CDH12: variants seen among roughly 807,000 people sequenced by gnomAD.
The protein encoded by CDH12 is cadherin-12.
CDH12 carries 41 observed loss-of-function variants against 74.1 expected under a neutral mutation model. The observed-to-expected ratio is 0.55, with a 90% CI of 0.43 to 0.72. The LOEUF (loss-of-function observed/expected upper bound fraction) is 0.72, where lower values mean the gene tolerates loss of function less well. Ranked by LOEUF, CDH12 falls within the 30% of genes least tolerant of loss-of-function variation. CDH12 has a pLI of 0.00. For missense variants in CDH12, 945 were observed against 977.2 expected, an observed-to-expected ratio of 0.97 and a Z score of 0.44; for synonymous variants, 399 against 355.0, an observed-to-expected ratio of 1.12 and a Z score of -1.39.
intron 1 of CDH12, among the ~76,000 whole-genome samples, chr5:22,522,464 A>C (rs12520888): frequency 0.17 from 26,202 of 152,100 alleles, 2,805 homozygotes; most frequent in East Asian, 0.37. Flanking sequence ...TTATTTGCAG[A>C]CACTGAAAAT....
chr5:22,458,878 C>CA, intron 2 of CDH12, among the ~76,000 whole-genome samples: 1 of 152,114 alleles, frequency 6.6e-6, no homozygotes, highest in South Asian at 2.1e-4. Flanking sequence ...TGGCAGAAAA[C>CA]AATACTGGTT....
intron 4 of CDH12, among the ~76,000 whole-genome samples, chr5:22,096,354 C>T (rs760844971): frequency 6.6e-6 from 1 of 151,912 alleles, no homozygotes; most frequent in Non-Finnish European, 1.5e-5. Context: ...TACATTGGTC[C>T]CTCCCTAGTC....
At chr5:21,853,948 A>C (rs1299182986) in intron 7 of CDH12, among the ~76,000 whole-genome samples, 1 of 151,620 alleles carries the variant, frequency 6.6e-6, no homozygotes, top group Admixed American at 6.6e-5. Flanking sequence ...TGGAAGGCCT[A>C]CTCTGATCAT....
At chr5:22,186,283 T>A (rs556299161) in intron 4 of CDH12, among the ~76,000 whole-genome samples, 1 of 152,268 alleles carries the variant, frequency 6.6e-6, no homozygotes, top group African/African-American at 2.4e-5. Flanking sequence ...TCAAAAGAAA[T>A]GTAATAATAC....
chr5:21,767,820 GCAA>G (rs1382454019), intron 11 of CDH12, among the ~76,000 whole-genome samples: 1 of 151,522 alleles, frequency 6.6e-6, no homozygotes, highest in African/African-American at 2.4e-5. Context: ...CATTTAAGAA[GCAA>G]CAACATCTCA....
intron 6 of CDH12, among the ~76,000 whole-genome samples, chr5:21,930,887 G>A (rs774583392): frequency 3.7e-4 from 56 of 152,100 alleles, no homozygotes; most frequent in Non-Finnish European, 7.6e-4. Flanking sequence ...CCTCAAATGA[G>A]CTGTATTTAG....
At chr5:22,565,138 G>A (rs1046685787) in intron 1 of CDH12, among the ~76,000 whole-genome samples, 4 of 152,026 alleles carry the variant, frequency 2.6e-5, no homozygotes, top group African/African-American at 4.8e-5. Context: ...GTTTCACCAC[G>A]TTGGCCAAGA....
chr5:22,188,993 T>A (rs1038466243), intron 4 of CDH12, among the ~76,000 whole-genome samples: 1 of 152,288 alleles, frequency 6.6e-6, no homozygotes, highest in Admixed American at 6.5e-5. Flanking sequence ...AGCATGGAGA[T>A]GCAATGCTGA....
At chr5:22,659,658 T>C (rs1740243229) in intron 1 of CDH12, among the ~76,000 whole-genome samples, 1 of 152,084 alleles carries the variant, frequency 6.6e-6, no homozygotes, top group East Asian at 1.9e-4. Context: ...GTGCAATTTG[T>C]TTTATCATAG....
chr5:22,277,601 A>C (rs2150404347), intron 3 of CDH12, among the ~76,000 whole-genome samples: 1 of 152,258 alleles, frequency 6.6e-6, no homozygotes, highest in East Asian at 1.9e-4. Context: ...GGGAGGCCAA[A>C]GAAGGGGGAT....
intron 1 of CDH12, among the ~76,000 whole-genome samples, chr5:22,645,246 T>A (rs1327295706): frequency 1.3e-5 from 2 of 152,088 alleles, no homozygotes; most frequent in Non-Finnish European, 2.9e-5. Flanking sequence ...ATATTCATGA[T>A]CCATGAAAAG....
chr5:22,467,496 A>G (rs1745784985), intron 2 of CDH12, among the ~76,000 whole-genome samples: 1 of 151,980 alleles, frequency 6.6e-6, no homozygotes, highest in South Asian at 2.1e-4. Flanking sequence ...ATTTTCAGTC[A>G]CCTCTACCTG....
chr5:21,969,491 C>G (rs1387926262), intron 6 of CDH12, among the ~76,000 whole-genome samples: 2 of 151,976 alleles, frequency 1.3e-5, no homozygotes, highest in Non-Finnish European at 2.9e-5. Flanking sequence ...CTGTCTAGCT[C>G]TCTTTTGGGT....
At chr5:21,912,752 T>C (rs1039134163) in intron 6 of CDH12, among the ~76,000 whole-genome samples, 1 of 152,142 alleles carries the variant, frequency 6.6e-6, no homozygotes, top group Non-Finnish European at 1.5e-5. Context: ...GTAATTTCTT[T>C]ATTGTCAGTT....
chr5:22,094,420 TC>T lies in CDH12; in HGVS notation c.-186-15559del, dbSNP rs376914781. ...TATGAGTAGTTTTATTCACCAGAAT[TC>T]CAGAGGGACTAAATCTAGGATGAAA... On this transcript the variant is annotated intron_variant, in intron 4 of 14. Coordinates refer to ENST00000382254, the MANE Select transcript of CDH12 (RefSeq NM_004061.5). Among the ~76,000 whole-genome samples, 544 of 152,252 alleles carry T rather than the reference TC, an allele frequency of 3.6e-3. 7 individuals carry two copies. Among genetic ancestry groups the T allele is most frequent in the African/African-American group, 0.012 (496 of 41,554 alleles).
rs116043422 is a variant in CDH12 at position 22,505,828 on chromosome 5, C to T, written c.-522-464G>A. 7.6e-3 allele frequency among the ~76,000 whole-genome samples: 1,151 copies of T among 152,156 alleles called. 10 individuals carry two copies. The highest frequency in any genetic ancestry group is 9.4e-3 in the Non-Finnish European group (636 of 67,990). ...ACATTTATAAAATGTCCTTCAGTTG[C>T]AATTTGGCTGATGTATTTCTCATGA... On this transcript the variant is annotated intron_variant, in intron 1 of 14. Transcript: ENST00000382254.
intron 2 of CDH12, among the ~76,000 whole-genome samples, chr5:22,431,468 T>C (rs539924176): frequency 6.6e-6 from 1 of 152,364 alleles, no homozygotes; most frequent in Non-Finnish European, 1.5e-5. Context: ...TACAGAATAC[T>C]GGATAATAAA....
intron 1 of CDH12, among the ~76,000 whole-genome samples, chr5:22,766,004 G>A (rs573531962): frequency 2.7e-4 from 41 of 151,862 alleles, no homozygotes; most frequent in African/African-American, 9.6e-4. Context: ...AAACTAAAAT[G>A]GTCAATAAAC....
chr5:22,599,224 T>C (rs1357737150), intron 1 of CDH12, among the ~76,000 whole-genome samples: 1 of 152,200 alleles, frequency 6.6e-6, no homozygotes, highest in African/African-American at 2.4e-5. Flanking sequence ...AAAATTGCAC[T>C]ATTCATTATT....
Sources: allele counts gnomAD v4.1 joint callset (sites outside exome capture counted in the v4.1 genomes callset), GRCh38; gene constraint gnomAD v4.1.1; transcripts MANE v1.5; gene names NCBI Gene and HGNC (gene_info 2026-07-23, HGNC 2026-07-21).